Variants in CSMD1 observed in about 807,000 individuals in gnomAD.
CSMD1 encodes CUB and Sushi multiple domains 1, also known as CUB and sushi domain-containing protein 1.
Under a neutral mutation model 417.5 loss-of-function variants are expected in CSMD1, and 213 were observed. The ratio of observed to expected loss-of-function variants is 0.51; its 90% CI spans 0.46 to 0.57. The LOEUF is 0.57. CSMD1 is among the 20% of genes least tolerant of loss of function. CSMD1 has a pLI of 0.00. For synonymous variants in CSMD1, 2,862 were observed against 1,736.8 expected (o/e 1.65, Z -16.11); for missense variants, 6,923 against 4,529.7 (o/e 1.53, Z -15.17).
chr8:4,245,622 T>C (rs1802658497), intron 3 of CSMD1, among the ~76,000 whole-genome samples: 1 of 152,118 alleles, frequency 6.6e-6, no homozygotes, highest in South Asian at 2.1e-4. Context: ...AACAATGTCA[T>C]AATCAAACCA....
At chr8:4,908,556 T>G (rs1270363245) in intron 1 of CSMD1, among the ~76,000 whole-genome samples, 1 of 152,078 alleles carries the variant, frequency 6.6e-6, no homozygotes, top group African/African-American at 2.4e-5. Flanking sequence ...GTTTTGTGTT[T>G]CTTTTTTCTC....
chr8:4,077,791 A>T (rs1207368560), intron 3 of CSMD1, among the ~76,000 whole-genome samples: 2 of 152,184 alleles, frequency 1.3e-5, no homozygotes, highest in Non-Finnish European at 2.9e-5. Flanking sequence ...TCATTCCAAA[A>T]GTTGTTCTCA....
chr8:4,519,331 G>T (rs1803301046), intron 2 of CSMD1, among the ~76,000 whole-genome samples: 1 of 151,614 alleles, frequency 6.6e-6, no homozygotes, highest in Non-Finnish European at 1.5e-5. Context: ...TGAACTTATG[G>T]TTCAATGATA....
chr8:4,317,995 T>G (rs1360223973), intron 3 of CSMD1, among the ~76,000 whole-genome samples: 2 of 152,184 alleles, frequency 1.3e-5, no homozygotes, highest in African/African-American at 2.4e-5. Flanking sequence ...AATAAATATT[T>G]GGATATACAA....
At chr8:3,718,194 T>C (rs1442120516) in intron 6 of CSMD1, among the ~76,000 whole-genome samples, 1 of 152,218 alleles carries the variant, frequency 6.6e-6, no homozygotes, top group Non-Finnish European at 1.5e-5. Context: ...GTTAGTACAA[T>C]AACTCTTTCT....
At chr8:4,016,838 G>A (rs1796546893) in intron 4 of CSMD1, among the ~76,000 whole-genome samples, 2 of 152,288 alleles carry the variant, frequency 1.3e-5, no homozygotes, top group South Asian at 4.1e-4. Context: ...TGGAAGTCAT[G>A]TCTATCAAAG....
intron 2 of CSMD1, among the ~76,000 whole-genome samples, chr8:4,436,129 A>C (rs772897304): frequency 6.6e-6 from 1 of 152,190 alleles, no homozygotes; most frequent in Admixed American, 6.5e-5. Flanking sequence ...TCATTTCAGC[A>C]TAAAAAATAG....
intron 1 of CSMD1, among the ~76,000 whole-genome samples, chr8:4,753,558 A>G (rs576811469): frequency 2.0e-5 from 3 of 152,130 alleles, no homozygotes; most frequent in East Asian, 3.9e-4. Context: ...TCATGATTGC[A>G]CCTGCCTTCC....
At chr8:3,692,559 C>T (rs1022368941) in intron 7 of CSMD1, among the ~76,000 whole-genome samples, 1 of 152,090 alleles carries the variant, frequency 6.6e-6, no homozygotes, top group Admixed American at 6.6e-5. Context: ...CTCAGCCTCC[C>T]GAGCATCTGG....
intron 3 of CSMD1, among the ~76,000 whole-genome samples, chr8:4,357,821 T>C (rs1801515431): frequency 6.6e-6 from 1 of 152,090 alleles, no homozygotes; most frequent in Non-Finnish European, 1.5e-5. Flanking sequence ...AAAATAGTAT[T>C]ACAAAATTTA....
chr8:4,457,019 A>G lies in CSMD1; in HGVS notation c.303-36954T>C, dbSNP rs561137778. 8.6e-5 allele frequency among the ~76,000 whole-genome samples: 13 copies of G among 151,924 alleles called. No homozygotes were observed. In the East Asian group the frequency reaches 2.1e-3, roughly 25 times the overall value. On this transcript the variant is annotated intron_variant, in intron 2 of 69. Transcript: ENST00000635120. ...AAAAAACAACAAGAAAAGAAAATCAATGTTAATCGCTGATTCCTGGAGCAT... is the reference window on the plus strand; with the variant it reads ...AAAAAACAACAAGAAAAGAAAATCAGTGTTAATCGCTGATTCCTGGAGCAT...
intron 5 of CSMD1, among the ~76,000 whole-genome samples, chr8:3,900,298 T>G (rs902464494): frequency 1.3e-5 from 2 of 150,042 alleles, no homozygotes; most frequent in South Asian, 4.2e-4. Context: ...TGCGTGACAC[T>G]GTAGCTGGGT....
chr8:4,797,176 G>A (rs1392496113), intron 1 of CSMD1, among the ~76,000 whole-genome samples: 2 of 152,310 alleles, frequency 1.3e-5, no homozygotes, highest in East Asian at 3.9e-4. Context: ...TCAGGCTCCA[G>A]GCAGGCAGCT....
At chr8:4,099,554 C>G (rs1037355756) in intron 3 of CSMD1, among the ~76,000 whole-genome samples, 7 of 151,972 alleles carry the variant, frequency 4.6e-5, no homozygotes, top group African/African-American at 1.2e-4. Flanking sequence ...AACTGAAGTA[C>G]TGTTTAAGGC....
chr8:4,621,378 C>A (rs1185271639), intron 2 of CSMD1, among the ~76,000 whole-genome samples: 1 of 152,044 alleles, frequency 6.6e-6, no homozygotes, highest in Admixed American at 6.5e-5. Flanking sequence ...GATTTTGGAA[C>A]ATTTGGGATT....
intron 25 of CSMD1, among the ~76,000 whole-genome samples, chr8:3,300,620 T>A (rs1007288143): frequency 2.6e-5 from 4 of 151,954 alleles, no homozygotes; most frequent in Non-Finnish European, 5.9e-5. Flanking sequence ...TAAGCAAAGA[T>A]TTACTTACAA....
intron 2 of CSMD1, among the ~76,000 whole-genome samples, chr8:4,613,420 C>A (rs1801295868): frequency 6.6e-6 from 1 of 152,146 alleles, no homozygotes; most frequent in Admixed American, 6.5e-5. Flanking sequence ...TCATGCTACT[C>A]ATGAACTAGG....
At chr8:3,114,126 C>T (rs904096938) in intron 42 of CSMD1, among the ~76,000 whole-genome samples, 4 of 152,092 alleles carry the variant, frequency 2.6e-5, no homozygotes, top group African/African-American at 4.8e-5. Context: ...TGCCTGTGGT[C>T]CTAGCCACTT....
chr8:3,714,866 T>G (rs1304611458), intron 6 of CSMD1, among the ~76,000 whole-genome samples: 2 of 152,182 alleles, frequency 1.3e-5, no homozygotes, highest in African/African-American at 4.8e-5. Context: ...TTTATCAATT[T>G]TTTAAGTGAA....
Sources: allele counts gnomAD v4.1 joint callset (sites outside exome capture counted in the v4.1 genomes callset), GRCh38; gene constraint gnomAD v4.1.1; transcripts MANE v1.5; gene names NCBI Gene and HGNC (gene_info 2026-07-23, HGNC 2026-07-21).